Variants in ASTN1 observed in about 807,000 individuals in gnomAD.
ASTN1 encodes astrotactin-1.
Under a neutral mutation model 140.7 loss-of-function variants are expected in ASTN1, and 41 were observed. That is an observed-to-expected ratio of 0.29 (90% CI 0.23 to 0.38). The LOEUF is 0.38. Among genes scored for constraint, ASTN1 ranks in the 10% least tolerant of loss-of-function variants. The pLI is 1.00. For synonymous variants in ASTN1, 640 were observed against 652.2 expected, an observed-to-expected ratio of 0.98 and a Z score of 0.29; for missense variants, 1,479 against 1,678.8, an observed-to-expected ratio of 0.88 and a Z score of 2.08.
intron 1 of ASTN1, among the ~76,000 whole-genome samples, chr1:177,148,339 A>G (rs1157997980): frequency 6.6e-6 from 1 of 151,184 alleles, no homozygotes; most frequent in Non-Finnish European, 1.5e-5. Flanking sequence ...AATGGCGTGA[A>G]CCCGGGAGGT....
chr1:176,945,252 A>C (rs969763146), intron 13 of ASTN1, among the ~76,000 whole-genome samples: 1 of 152,236 alleles, frequency 6.6e-6, no homozygotes, highest in Non-Finnish European at 1.5e-5. Context: ...TATTATATTT[A>C]TATAAAAAGG....
intron 22 of ASTN1, among the ~76,000 whole-genome samples, chr1:176,868,618 A>C (rs572704468): frequency 1.3e-5 from 2 of 152,098 alleles, no homozygotes; most frequent in African/African-American, 4.8e-5. Flanking sequence ...CAAGAGCAAA[A>C]TTTTTTTTCA....
chr1:176,893,178 G>A (rs1669341890), intron 17 of ASTN1, among the ~76,000 whole-genome samples: 1 of 152,164 alleles, frequency 6.6e-6, no homozygotes, highest in Admixed American at 6.5e-5. Flanking sequence ...ACGCCCTGTT[G>A]CAAGGATGGT....
chr1:176,946,171 G>A (rs750709663), intron 12 of ASTN1, 51 bp from the exon 13 acceptor site: 1 of 1,448,210 alleles, frequency 6.9e-7, no homozygotes, highest in Non-Finnish European at 9.3e-7. Flanking sequence ...AATGACCCAT[G>A]CAGGCAAGTC....
rs749983368 is a variant in ASTN1, at chr1:176,936,277, G to T, written c.2471C>A (p.Ala824Asp). The T allele has an allele frequency of 1.2e-6, 2 of 1,613,810 alleles. No homozygotes were observed. Among genetic ancestry groups the T allele is most frequent in the Non-Finnish European group, 1.7e-6 (2 of 1,179,732 alleles). The change falls in exon 15 of 23, where the codon GCC (alanine) becomes GAC (aspartate). Residue 824 changes from alanine (A) to aspartate (D), a missense_variant. By Grantham distance (126) the Ala-to-Asp change is moderately radical (BLOSUM62 -2). Around this residue, in one of 3 missense-constraint regions of ASTN1, gnomAD observed 746 missense variants for 800.9 expected, o/e 0.93. Transcript: ENST00000361833. ...VMYHIKLNQV[A>D]ISQALSNALH... ...GCAGCAGTGCTCACCCTGAGAGATG[G>T]CCACTTGGTTGAGTTTGATGTGGTA...
At chr1:177,010,262 G>A (rs760839350) in intron 8 of ASTN1, among the ~76,000 whole-genome samples, 3 of 152,118 alleles carry the variant, frequency 2.0e-5, no homozygotes, top group Non-Finnish European at 4.4e-5. Flanking sequence ...TTAATAGTCT[G>A]TGTCTATGCA....
Position 176,863,433 on chromosome 1 carries a change from C to A in ASTN1, c.*851G>T. 7 of 985,782 alleles carry A rather than the reference C, an allele frequency of 7.1e-6. No homozygotes were observed. Among genetic ancestry groups the A allele is most frequent in the Non-Finnish European group, 8.4e-6 (7 of 829,908 alleles). 61.1% of individuals were successfully genotyped at this position (985,782 alleles called of 1,614,324 possible). ...TATTGGTAGGCTGGAGAAGTCTATC[C>A]AAAGGAAGCATGGTTTTTTTAAAAA... On this transcript the variant is annotated 3_prime_UTR_variant, in exon 23 of 23. Transcript: ENST00000361833.
At chr1:176,886,068 T>C (rs889238814) in intron 18 of ASTN1, among the ~76,000 whole-genome samples, 5 of 152,054 alleles carry the variant, frequency 3.3e-5, no homozygotes, top group Non-Finnish European at 7.4e-5. Flanking sequence ...GTTAAATAAG[T>C]TAGATTTCTG....
intron 1 of ASTN1, among the ~76,000 whole-genome samples, chr1:177,074,455 C>G (rs11587524): frequency 0.46 from 69,259 of 152,056 alleles, 17,234 homozygotes; most frequent in Non-Finnish European, 0.57. Flanking sequence ...TCCTTGATCA[C>G]TATGTATGGC....
chr1:176,860,112 G>T (rs757657814), downstream of ASTN1, among the ~76,000 whole-genome samples: 1 of 152,144 alleles, frequency 6.6e-6, no homozygotes, highest in African/African-American at 2.4e-5. Flanking sequence ...TCAGAGCTCC[G>T]AGAGCAAGAG....
intron 8 of ASTN1, among the ~76,000 whole-genome samples, chr1:177,013,786 C>T (rs1001884721): frequency 1.4e-4 from 22 of 152,140 alleles, no homozygotes; most frequent in Admixed American, 4.6e-4. Context: ...ATTATTAGTT[C>T]GCATTTATTG....
intron 1 of ASTN1, among the ~76,000 whole-genome samples, chr1:177,136,902 C>T (rs190086578): frequency 9.8e-5 from 15 of 152,292 alleles, no homozygotes; most frequent in Admixed American, 7.8e-4. Flanking sequence ...CCAAGGGTTT[C>T]CCAACCTCAG....
chr1:176,887,132 A>G (rs1669060676), intron 18 of ASTN1, among the ~76,000 whole-genome samples: 1 of 151,894 alleles, frequency 6.6e-6, no homozygotes. Context: ...TTCCCACTTG[A>G]TTATTGTTCT....
chr1:176,985,969 C>T (rs1452043444), intron 8 of ASTN1, among the ~76,000 whole-genome samples: 4 of 151,990 alleles, frequency 2.6e-5, no homozygotes, highest in Non-Finnish European at 5.9e-5. Context: ...AACCCTGATA[C>T]ACTCAGGTGG....
At chr1:176,957,966 C>T in intron 10 of ASTN1, 138 bp from the exon 11 acceptor site, 2 of 1,153,608 alleles carry the variant, frequency 1.7e-6, no homozygotes, top group Non-Finnish European at 2.4e-6. Context: ...ATCAACTATA[C>T]TCCAAGCCTT....
At chr1:177,154,673 CA>C (rs61637734) in intron 1 of ASTN1, among the ~76,000 whole-genome samples, 42,622 of 147,694 alleles carry the variant, frequency 0.29, 10,262 homozygotes, top group African/African-American at 0.66. Context: ...GAACACATAC[CA>C]AAAAAAAAAT....
Position 177,082,618 on chromosome 1 carries a change from G to T in ASTN1, c.284-21353C>A, listed in dbSNP as rs990081125. Among the ~76,000 whole-genome samples, 7 of 152,092 alleles carry T rather than the reference G, an allele frequency of 4.6e-5. No individual in the cohort carries two copies. The South Asian group carries it at 6.2e-4, about 13-fold the overall frequency. On this transcript the variant is annotated intron_variant, in intron 1 of 22. Transcript: ENST00000361833. ...TCTCAGCGCCAGGATGTGGCCCTTC[G>T]CATGCCTTCAAAGAAGCCACAATAG... is the stretch of plus-strand genomic sequence containing the variant.
In ASTN1 at chr1:177,134,031, G is replaced by A. The variant is rs930923173; in HGVS notation, c.283+30363C>T. 3.3e-5 allele frequency among the ~76,000 whole-genome samples: 5 copies of A among 152,228 alleles called. No homozygotes were observed. In the East Asian group the frequency reaches 7.7e-4, roughly 23 times the overall value. On this transcript the variant is annotated intron_variant, in intron 1 of 22. Transcript: ENST00000361833. ...GGAATGTGTGTTGAAAGCATTTATC[G>A]ATTGCAAATAACAGCAGCAGAAATG...
intron 2 of ASTN1, among the ~76,000 whole-genome samples, chr1:177,045,755 A>G (rs1247295305): frequency 6.6e-6 from 1 of 152,156 alleles, no homozygotes; most frequent in Non-Finnish European, 1.5e-5. Context: ...TTTCTAGTAA[A>G]ATAAACTAAC....
Sources: gnomAD v4.1 joint callset for allele counts (sites outside exome capture counted in the v4.1 genomes callset) on GRCh38, gnomAD v4.1.1 for gene constraint, gnomAD v4.1.1 regional missense constraint, MANE v1.5 for transcripts, NCBI Gene and HGNC (gene_info 2026-07-23, HGNC 2026-07-21) for gene names.